Variants in TASOR2 observed in about 807,000 individuals in gnomAD.
TASOR2 encodes protein TASOR 2.
Under a neutral mutation model 199.5 loss-of-function variants are expected in TASOR2, and 84 were observed. The ratio of observed to expected loss-of-function variants is 0.42; its 90% CI spans 0.35 to 0.50. The LOEUF is 0.50. Among genes scored for constraint, TASOR2 ranks in the 20% least tolerant of loss-of-function variants. The probability of loss-of-function intolerance (pLI) is 0.02; values close to 1 mark genes in which losing one functional copy is unlikely to be tolerated. For synonymous variants in TASOR2, 1,103 were observed against 1,046.6 expected (o/e 1.05, Z -1.04); for missense variants, 2,796 against 2,835.9 (o/e 0.99, Z 0.32).
chr10:5,693,543 G>A (rs548452339), intron 1 of TASOR2, among the ~76,000 whole-genome samples: 10 of 152,276 alleles, frequency 6.6e-5, no homozygotes, highest in African/African-American at 2.4e-4. Context: ...TACGGGAAAT[G>A]CTATTTGTTT....
chr10:5,685,184 C>G lies in TASOR2; in HGVS notation c.-288+9C>G. ...GGCCACGCCAAGGACGGGTAAGTCC[C>G]TCCTCGGCCTGGGCGCCCGGGAACC... On this transcript the variant is annotated intron_variant, in intron 1 of 20. Transcript: ENST00000328090. This position sits in a 1 kb window ranked among gnomAD's most constrained non-coding sequence, Gnocchi z 5.4. 1 of 397,964 alleles carries G rather than the reference C, an allele frequency of 2.5e-6. No homozygotes were observed. The highest frequency in any genetic ancestry group is 3.6e-5 in the East Asian group (1 of 28,022). 24.7% of individuals were successfully genotyped at this position (397,964 alleles called of 1,614,324 possible). A position where few individuals can be genotyped will look rare whatever the true frequency, so the allele number is the denominator to read the frequency against.
At chr10:5,697,376 A>C (rs578257196) in intron 1 of TASOR2, among the ~76,000 whole-genome samples, 16 of 152,354 alleles carry the variant, frequency 1.1e-4, no homozygotes, top group Non-Finnish European at 1.9e-4. Flanking sequence ...AAAGTTGCGC[A>C]GAAGAAGCAT....
chr10:5,709,726 G>A, intron 1 of TASOR2: 2 of 1,186,114 alleles, frequency 1.7e-6, no homozygotes, highest in Non-Finnish European at 2.1e-6. Context: ...TGATTAAAAT[G>A]TTTTTAGTTT....
Position 5,730,488 on chromosome 10 carries a change from G to A in TASOR2, c.489G>A (p.Gly163=). 6.3e-7 allele frequency: 1 copy of A among 1,587,232 alleles called. No homozygotes were observed. Among genetic ancestry groups the A allele is most frequent in the South Asian group, 1.1e-5 (1 of 87,846 alleles). Residue 163 remains glycine, a splice_region_variant and synonymous_variant, in exon 11 of 21, where the codon GGG becomes GGA. Coordinates refer to ENST00000328090, the Ensembl canonical transcript of TASOR2. This position sits in a 1 kb window ranked among gnomAD's most constrained non-coding sequence, Gnocchi z 4.1. ...TTAATACGTGTGTATATATTCTAGG[G>A]GTGAAAGATTTGAAAGTTGAAGATG...
At position 5,685,676 on chromosome 10, in the gene TASOR2, G is replaced by A. The variant is rs1301250843; in HGVS notation, c.-288+501G>A. On this transcript the variant is annotated intron_variant, in intron 1 of 20. Coordinates refer to ENST00000328090, the Ensembl canonical transcript of TASOR2. This position sits in a 1 kb window ranked among gnomAD's most constrained non-coding sequence, Gnocchi z 5.4. The stretch of plus-strand genomic sequence containing the variant: ...CAGCAGCAAGCGCAAGCCGCGTTGG[G>A]ATAACTTGGTGCGAGCAACACAGAA... Among the ~76,000 whole-genome samples, 3 of 152,180 alleles carry A rather than the reference G, an allele frequency of 2.0e-5. No individual in the cohort carries two copies. The highest frequency in any genetic ancestry group is 2.0e-4 in the Admixed American group (3 of 15,270).
intron 16 of TASOR2, among the ~76,000 whole-genome samples, chr10:5,757,173 C>T (rs1839082778): frequency 6.6e-6 from 1 of 152,234 alleles, no homozygotes; most frequent in Admixed American, 6.5e-5. Flanking sequence ...GTCGTCGGTG[C>T]TGGCACCAAG....
At chr10:5,705,457 A>G (rs896052456) in intron 1 of TASOR2, among the ~76,000 whole-genome samples, 2 of 152,158 alleles carry the variant, frequency 1.3e-5, no homozygotes, top group Non-Finnish European at 2.9e-5. Context: ...TTCATGTGCA[A>G]GTGTTTTTGT....
At position 5,722,131 on chromosome 10, in the gene TASOR2, T is replaced by C. The variant is rs1833443390; in HGVS notation, c.146+1161T>C. Among the ~76,000 whole-genome samples, 2 of 152,150 alleles carry C rather than the reference T, an allele frequency of 1.3e-5. No individual in the cohort carries two copies. The highest frequency in any genetic ancestry group is 2.9e-5 in the Non-Finnish European group (2 of 68,018). The stretch of plus-strand genomic sequence containing the variant: ...ATCGTTATCATTGTGAATGTGTTGA[T>C]TTTGCTTATTGCTTTGGGGTTGTAT... On this transcript the variant is annotated intron_variant, in intron 6 of 20. Transcript: ENST00000328090. This position sits in a 1 kb window ranked among gnomAD's most constrained non-coding sequence, Gnocchi z 4.0.
At chr10:5,692,763 G>A (rs1352650662) in intron 1 of TASOR2, 1 of 152,090 alleles carries the variant, frequency 6.6e-6, no homozygotes, top group Non-Finnish European at 1.5e-5. Context: ...CGCCCTTGTT[G>A]ACTTTCAAAA....
chr10:5,749,991 C>G, exon 15 of TASOR2: 1 of 1,609,968 alleles, frequency 6.2e-7, no homozygotes, highest in Non-Finnish European at 8.5e-7. Context: ...TCTACCTTGT[C>G]GAAACAGAAG....
chr10:5,734,666 T>C (rs959415539), intron 11 of TASOR2, among the ~76,000 whole-genome samples: 1 of 151,806 alleles, frequency 6.6e-6, no homozygotes, highest in Non-Finnish European at 1.5e-5. Context: ...GGGGCTGTGA[T>C]CTAGCATATT....
chr10:5,702,785 T>G (rs1232598547), intron 1 of TASOR2, among the ~76,000 whole-genome samples: 2 of 152,106 alleles, frequency 1.3e-5, no homozygotes, highest in African/African-American at 4.8e-5. Flanking sequence ...TTTCTTTTCC[T>G]TAAAGAAAGG....
In TASOR2 at chr10:5,748,850, T is replaced by G; in HGVS notation, c.5429T>G (p.Leu1810Arg). The G allele has an allele frequency of 6.2e-7, 1 of 1,614,198 alleles. No individual in the cohort carries two copies. Among genetic ancestry groups the G allele is most frequent in the Middle Eastern group, 1.6e-4 (1 of 6,062 alleles). The change falls in exon 15 of 21, where the codon CTA becomes CGA. Residue 1810 changes from leucine (L) to arginine (R), a missense_variant. By Grantham distance (102) the Leu-to-Arg change is moderately radical (BLOSUM62 -2). This residue lies in a region of TASOR2 where 1,941 missense variants were observed against 1,924.9 expected (regional missense o/e 1.01). Transcript: ENST00000328090. This position sits in a 1 kb window ranked among gnomAD's most constrained non-coding sequence, Gnocchi z 5.1. Reference sequence around the variant, plus strand: ...AGGGCTGAGGCTGGTTCTGAAACCCTAGGCAGAGATGGAGAGGTCGGTGTG... The same window carrying G: ...AGGGCTGAGGCTGGTTCTGAAACCCGAGGCAGAGATGGAGAGGTCGGTGTG...
Position 5,730,537 on chromosome 10 carries a change from A to C in TASOR2, c.538A>C (p.Ile180Leu). The C allele has an allele frequency of 1.2e-6, 2 of 1,613,008 alleles. No individual in the cohort carries two copies. Among genetic ancestry groups the C allele is most frequent in the Non-Finnish European group, 1.7e-6 (2 of 1,179,662 alleles). Reference sequence around the variant, plus strand: ...TGACATCTCAATGAAGGTGATACCTATTTTATCTACCCTTAATTGTGCCCT... The same window carrying C: ...TGACATCTCAATGAAGGTGATACCTCTTTTATCTACCCTTAATTGTGCCCT... Residue 180 changes from isoleucine to leucine, a missense_variant, in exon 11 of 21, where the codon ATT becomes CTT. Physicochemically the swap from Ile to Leu is conservative, Grantham distance 5. Around this residue, in one of 3 missense-constraint regions of TASOR2, gnomAD observed 847 missense variants for 887.4 expected, o/e 0.95. Transcript: ENST00000328090. This position sits in a 1 kb window ranked among gnomAD's most constrained non-coding sequence, Gnocchi z 4.1.
intron 6 of TASOR2, 117 bp downstream of exon 7, chr10:5,721,087 T>G: frequency 2.8e-6 from 2 of 721,796 alleles, no homozygotes; most frequent in Non-Finnish European, 2.3e-6. Context: ...GTTCTTGATT[T>G]TAGATGAGGG....
In TASOR2 at chr10:5,740,459, C is replaced by G. The variant is rs200687542; in HGVS notation, c.2289C>G (p.Asn763Lys). The change falls in exon 13 of 21, where the codon AAC becomes AAG. Residue 763 changes from asparagine to lysine, a missense_variant. By Grantham distance (94) the Asn-to-Lys change is moderately conservative. Coordinates refer to ENST00000328090, the Ensembl canonical transcript of TASOR2. This position sits in a 1 kb window ranked among gnomAD's most constrained non-coding sequence, Gnocchi z 5.3. Reference sequence around the variant, plus strand: ...TCAGTTTAGACAGCAAATATACCAACAACCCACTGGAGAAAACTGTAGTAA... The same window carrying G: ...TCAGTTTAGACAGCAAATATACCAAGAACCCACTGGAGAAAACTGTAGTAA... 7 of 1,613,582 alleles carry G rather than the reference C, an allele frequency of 4.3e-6. No individual in the cohort carries two copies. Among genetic ancestry groups the G allele is most frequent in the Middle Eastern group, 1.6e-4 (1 of 6,062 alleles).
At position 5,701,568 on chromosome 10, in the gene TASOR2, AT is replaced by A. The variant is rs1837853059; in HGVS notation, c.-287-11254del. ...AATTGGCTTTGGGTAGTATTCAACA[AT>A]ATGAATTCTTCCAGTCCCTGAGCAT... is the stretch of plus-strand genomic sequence containing the variant. On this transcript the variant is annotated intron_variant, in intron 1 of 20. Transcript: ENST00000328090. This position sits in a 1 kb window ranked among gnomAD's most constrained non-coding sequence, Gnocchi z 4.9. 2.0e-5 allele frequency among the ~76,000 whole-genome samples: 3 copies of A among 152,254 alleles called. No homozygotes were observed. The highest frequency in any genetic ancestry group is 4.1e-4 in the South Asian group (2 of 4,820).
At position 5,730,787 on chromosome 10, in the gene TASOR2, A is replaced by G; in HGVS notation, c.788A>G (p.Tyr263Cys). ...GAGTCTTTAACTCAGTTGAACTCTTATTTTTCAGACCCTAGTGCTTACATT... is the reference window on the plus strand; with the variant it reads ...GAGTCTTTAACTCAGTTGAACTCTTGTTTTTCAGACCCTAGTGCTTACATT... Residue 263 changes from tyrosine (Y) to cysteine (C), a missense_variant, in exon 11 of 21, where the codon TAT becomes TGT. By Grantham distance (194) the Tyr-to-Cys change is radical. This residue lies in a region of TASOR2 where 847 missense variants were observed against 887.4 expected (regional missense o/e 0.95). Transcript: ENST00000328090. This position sits in a 1 kb window ranked among gnomAD's most constrained non-coding sequence, Gnocchi z 4.1. 6.2e-7 allele frequency: 1 copy of G among 1,614,072 alleles called. No individual in the cohort carries two copies. Among genetic ancestry groups the G allele is most frequent in the Non-Finnish European group, 8.5e-7 (1 of 1,180,006 alleles).
rs539249743 is a variant in TASOR2 at position 5,738,577 on chromosome 10, C to A, written c.1448-1041C>A. ...CTGGGCAGTCGTTGATCAGTTTAAC[C>A]CTTTCCCCATGTATGTGCATGCCCT... On this transcript the variant is annotated intron_variant, in intron 12 of 20. Transcript: ENST00000328090. The surrounding 1 kb of genome is among the most constrained non-coding windows in gnomAD (Gnocchi z 4.7). Among the ~76,000 whole-genome samples the A allele has an allele frequency of 1.2e-3, 182 of 152,238 alleles. No homozygotes were observed. The highest frequency in any genetic ancestry group is 4.2e-3 in the African/African-American group (176 of 41,552).
Sources: gnomAD v4.1 joint callset for allele counts (sites outside exome capture counted in the v4.1 genomes callset) on GRCh38, gnomAD v4.1.1 for gene constraint, gnomAD v4.1.1 regional missense constraint, Gnocchi (gnomAD v3.1) non-coding constraint, MANE v1.5 for transcripts, NCBI Gene and HGNC (gene_info 2026-07-23, HGNC 2026-07-21) for gene names.